Variants in CLUH observed in about 807,000 individuals in gnomAD.
The protein encoded by CLUH is CLUH binding protein of NUMT mRNA, also known as clustered mitochondria protein homolog.
In CLUH, 77 loss-of-function variants were observed where a neutral mutation model predicts 139.3. That is an observed-to-expected ratio of 0.55 (90% CI 0.46 to 0.67). CLUH has a LOEUF of 0.67. Among genes scored for constraint, CLUH ranks in the 30% least tolerant of loss-of-function variants. CLUH has a pLI of 0.00. For missense variants in CLUH, 1,876 were observed against 1,875.8 expected (o/e 1.00, Z 0.00); for synonymous variants, 999 against 801.6 (o/e 1.25, Z -4.16).
In CLUH at chr17:2,692,594, G is replaced by GC; in HGVS notation, c.3414_3415insG (p.His1139AlafsTer62). 1 of 1,612,422 alleles carries GC rather than the reference G, an allele frequency of 6.2e-7. No homozygotes were observed. The highest frequency in any genetic ancestry group is 8.5e-7 in the Non-Finnish European group (1 of 1,179,562). On this transcript the variant is annotated frameshift_variant, in exon 21 of 26. Transcript: ENST00000651024. LOFTEE classifies it high-confidence loss of function. ...ACGTCCAGCAGCGCCATCTCGGGGT[G>GC]GTCTTCCCCGAACACCAGCAGCATG...
intron 9 of CLUH, 68 bp downstream of exon 9, chr17:2,700,314 C>T (rs2070127755): frequency 2.1e-6 from 3 of 1,458,560 alleles, no homozygotes; most frequent in South Asian, 1.2e-5. Context: ...TTCCTCCTCT[C>T]CATGAGAAAA....
Position 2,701,660 on chromosome 17 carries a change from G to T in CLUH, c.697C>A (p.Arg233=). The stretch of plus-strand genomic sequence containing the variant: ...TGCAGGGGACACAGTGGCCGCTCCC[G>T]GCTCCCTGGCAGGATGTACTCGGGT... The part of the protein sequence containing the change: ...TPPEYILPGS[R]ERPLCPLQPQ... The change falls in exon 5 of 26, where the codon CGG becomes AGG. Residue 233 remains arginine (R), a synonymous_variant. Coordinates refer to ENST00000651024, the MANE Select transcript of CLUH (RefSeq NM_001366661.1). 4 of 1,601,500 alleles carry T rather than the reference G, an allele frequency of 2.5e-6. No individual in the cohort carries two copies. Among genetic ancestry groups the T allele is most frequent in the Non-Finnish European group, 3.4e-6 (4 of 1,173,928 alleles).
rs1423946485 is a variant in CLUH at position 2,689,699 on chromosome 17, G to A, written c.*895C>T. On this transcript the variant is annotated 3_prime_UTR_variant, in exon 26 of 26. Coordinates refer to ENST00000651024, the MANE Select transcript of CLUH (RefSeq NM_001366661.1). ...GGGGCCCCCGCCACCCCCAGAGCTA[G>A]TCTCAGACCAGGAAGGGAGCTGGGC... The A allele has an allele frequency of 2.0e-5, 3 of 152,662 alleles. No homozygotes were observed. In the East Asian group the frequency reaches 6.0e-4, roughly 30 times the overall value. The allele number at this position is 152,662 out of a possible 1,614,324, so 9.5% of individuals were successfully genotyped here.
At position 2,704,263 on chromosome 17, in the gene CLUH, A is replaced by G. The variant is rs1023874484; in HGVS notation, c.303+99T>C. On this transcript the variant is annotated intron_variant, in intron 2 of 25. Coordinates refer to ENST00000651024, the MANE Select transcript of CLUH (RefSeq NM_001366661.1). This position sits in a 1 kb window ranked among gnomAD's most constrained non-coding sequence, Gnocchi z 5.7. ...CACGGGATCCTCAGTTTCCTGCCAC[A>G]AAATGGGGCCGGTAGGAGCACGAGC... is the stretch of plus-strand genomic sequence containing the variant. 40 of 1,300,412 alleles carry G rather than the reference A, an allele frequency of 3.1e-5. 1 individual carries two copies. Among genetic ancestry groups the G allele is most frequent in the African/African-American group, 6.0e-5 (4 of 67,214 alleles). The allele number at this position is 1,300,412 out of a possible 1,614,324, so 80.6% of individuals were successfully genotyped here.
intron 14 of CLUH, 23 bp downstream of exon 14, chr17:2,695,351 G>C (rs544332095): frequency 6.2e-7 from 1 of 1,613,046 alleles, no homozygotes; most frequent in Non-Finnish European, 8.5e-7. Context: ...CTCCCGTTCC[G>C]CCCCACCCCG....
rs760796239 is a variant in CLUH, at chr17:2,691,598, G to C, written c.3863+11C>G. 6.2e-7 allele frequency: 1 copy of C among 1,610,408 alleles called. No individual in the cohort carries two copies. The highest frequency in any genetic ancestry group is 1.7e-5 in the Admixed American group (1 of 59,842). Reference sequence around the variant, plus strand: ...CAACCGGGAGACACTCGAGTGGGGCGGAGGCCTCACCTGAGAGGAATGAAG... The same window carrying C: ...CAACCGGGAGACACTCGAGTGGGGCCGAGGCCTCACCTGAGAGGAATGAAG... On this transcript the variant is annotated intron_variant, in intron 25 of 25. Transcript: ENST00000651024.
At chr17:2,702,326 C>A (rs1283615349) in intron 3 of CLUH, among the ~76,000 whole-genome samples, 1 of 152,198 alleles carries the variant, frequency 6.6e-6, no homozygotes, top group Non-Finnish European at 1.5e-5. Flanking sequence ...ACACACAGGC[C>A]TCAGGCGTCC....
At chr17:2,693,251 C>T (rs1597599796) in intron 19 of CLUH, among the ~76,000 whole-genome samples, 3 of 147,188 alleles carry the variant, frequency 2.0e-5, no homozygotes, top group Non-Finnish European at 3.0e-5. Flanking sequence ...CAAAAATTAG[C>T]TGGGTGTGCT....
chr17:2,697,897 T>G lies in CLUH; in HGVS notation c.1960A>C (p.Arg654=). The G allele has an allele frequency of 6.7e-7, 1 of 1,497,402 alleles. No homozygotes were observed. The highest frequency in any genetic ancestry group is 8.9e-7 in the Non-Finnish European group (1 of 1,123,340). The allele number at this position is 1,497,402 out of a possible 1,614,324, so 92.8% of individuals were successfully genotyped here. Reference sequence around the variant, plus strand: ...TGGTCCGGCAGGGCCGCCCCTCACCTGTGCTCCACGAAGGCGTCCACCAGC... The same window carrying G: ...TGGTCCGGCAGGGCCGCCCCTCACCGGTGCTCCACGAAGGCGTCCACCAGC... The part of the protein sequence containing the change: ...QELVDAFVEH[R]YLLFMKLAAL... The change falls in exon 10 of 26, where the codon AGG becomes CGG. Residue 654 remains arginine (R), a splice_region_variant and synonymous_variant. Coordinates refer to ENST00000651024, the MANE Select transcript of CLUH (RefSeq NM_001366661.1).
intron 19 of CLUH, 108 bp downstream of exon 19, chr17:2,693,792 G>T: frequency 7.2e-7 from 1 of 1,397,538 alleles, no homozygotes; most frequent in Non-Finnish European, 9.6e-7. Flanking sequence ...CAGAACCAGC[G>T]ACTTCCTGGG....
At chr17:2,695,579 C>T in intron 13 of CLUH, 53 bp from the exon 14 acceptor site, 2 of 1,514,318 alleles carry the variant, frequency 1.3e-6, no homozygotes, top group Non-Finnish European at 1.8e-6. Flanking sequence ...CTCCACCCAA[C>T]TGAGTCCTTC....
In CLUH at chr17:2,698,331, C is replaced by T; in HGVS notation, c.1526G>A (p.Gly509Asp). 1.2e-6 allele frequency: 2 copies of T among 1,613,140 alleles called. No homozygotes were observed. The highest frequency in any genetic ancestry group is 1.7e-6 in the Non-Finnish European group (2 of 1,179,742). The change falls in exon 10 of 26, where the codon GGC becomes GAC. Residue 509 changes from glycine (G) to aspartate (D), a missense_variant. By Grantham distance (94) the Gly-to-Asp change is moderately conservative (BLOSUM62 -1). This residue lies in a region of CLUH where 1,454 missense variants were observed against 1,384.4 expected (regional missense o/e 1.05). Coordinates refer to ENST00000651024, the MANE Select transcript of CLUH (RefSeq NM_001366661.1). ...AVDVEGLYTL[G>D]TVVVDYRGYR... ...GCCGCGGTAATCCACCACCACCGTG[C>T]CCAGCGTGTACAGCCCCTCCACGTC...
chr17:2,696,017 C>G (rs1391921971), intron 13 of CLUH, 142 bp downstream of exon 13: 2 of 681,118 alleles, frequency 2.9e-6, no homozygotes, highest in East Asian at 2.7e-5. Context: ...GGCTCCCCAT[C>G]TGTCAAACGG....
Position 2,700,396 on chromosome 17 carries a change from T to TTTC in CLUH, c.1249_1251dup (p.Glu417dup). 6.2e-7 allele frequency: 1 copy of TTTC among 1,612,998 alleles called. No individual in the cohort carries two copies. Among genetic ancestry groups the TTTC allele is most frequent in the Non-Finnish European group, 8.5e-7 (1 of 1,179,690 alleles). ...GCTGCAGGCACCTTGAATATGGCCC[T>TTTC]TTCTCGGAGCAGCCGCTCAGGCAGG... On this transcript the variant is annotated inframe_insertion, in exon 9 of 26. Transcript: ENST00000651024.
rs1240949426 is a variant in CLUH at position 2,700,391 on chromosome 17, G to A, written c.1257C>T (p.Ala419=). 1 of 1,612,898 alleles carries A rather than the reference G, an allele frequency of 6.2e-7. No individual in the cohort carries two copies. The highest frequency in any genetic ancestry group is 1.3e-5 in the African/African-American group (1 of 75,046). Reference sequence around the variant, plus strand: ...CAGAGGCTGCAGGCACCTTGAATATGGCCCTTTCTCGGAGCAGCCGCTCAG... The same window carrying A: ...CAGAGGCTGCAGGCACCTTGAATATAGCCCTTTCTCGGAGCAGCCGCTCAG... ...NLPERLLRER[A]IFKVHSDFTA... The change falls in exon 9 of 26, where the codon GCC becomes GCT. Residue 419 remains alanine (A), a synonymous_variant. Coordinates refer to ENST00000651024, the MANE Select transcript of CLUH (RefSeq NM_001366661.1).
At chr17:2,705,117 C>T (rs2070314217) in intron 1 of CLUH, among the ~76,000 whole-genome samples, 1 of 151,892 alleles carries the variant, frequency 6.6e-6, no homozygotes, top group African/African-American at 2.4e-5. Flanking sequence ...GCCTTTTGGA[C>T]CAAGGAGACC....
Position 2,703,747 on chromosome 17 carries a change from C to G in CLUH, c.304-258G>C, listed in dbSNP as rs1170397548. Among the ~76,000 whole-genome samples, 1 of 152,124 alleles carries G rather than the reference C, an allele frequency of 6.6e-6. No homozygotes were observed. Among genetic ancestry groups the G allele is most frequent in the Non-Finnish European group, 1.5e-5 (1 of 68,020 alleles). ...CAGCCTGGAGCCTGGCCCACCGACT[C>G]GGCCTGCAGACCCAGAGCAATGCCC... On this transcript the variant is annotated intron_variant, in intron 2 of 25. Coordinates refer to ENST00000651024, the MANE Select transcript of CLUH (RefSeq NM_001366661.1). The surrounding 1 kb of genome is among the most constrained non-coding windows in gnomAD (Gnocchi z 4.2).
Position 2,703,491 on chromosome 17 carries a change from T to A in CLUH, c.304-2A>T. Reference sequence around the variant, plus strand: ...CTGCACCATCTCCTGGGGGGACACCTGCAGGGAGAAGGCCCCGCCCACCCC... The same window carrying A: ...CTGCACCATCTCCTGGGGGGACACCAGCAGGGAGAAGGCCCCGCCCACCCC... On this transcript the variant is annotated splice_acceptor_variant, in intron 2 of 25. Coordinates refer to ENST00000651024, the MANE Select transcript of CLUH (RefSeq NM_001366661.1). LOFTEE classifies it high-confidence loss of function. The surrounding 1 kb of genome is among the most constrained non-coding windows in gnomAD (Gnocchi z 4.2). 6.2e-7 allele frequency: 1 copy of A among 1,612,076 alleles called. No individual in the cohort carries two copies. The highest frequency in any genetic ancestry group is 8.5e-7 in the Non-Finnish European group (1 of 1,178,924).
Position 2,695,116 on chromosome 17 carries a change from G to A in CLUH, c.2608-15C>T, listed in dbSNP as rs983509844. On this transcript the variant is annotated splice_polypyrimidine_tract_variant and intron_variant, in intron 15 of 25. Coordinates refer to ENST00000651024, the MANE Select transcript of CLUH (RefSeq NM_001366661.1). ...AGCTCGACTCCCTGCGAGGCAGGTT[G>A]GATCCGAGTCATGAGGGCCCTCAGC... 1 of 1,612,388 alleles carries A rather than the reference G, an allele frequency of 6.2e-7. No individual in the cohort carries two copies. The highest frequency in any genetic ancestry group is 1.3e-5 in the African/African-American group (1 of 75,040).
Sources: allele counts gnomAD v4.1 joint callset (sites outside exome capture counted in the v4.1 genomes callset), GRCh38; gene constraint gnomAD v4.1.1; regional missense constraint gnomAD v4.1.1; non-coding constraint Gnocchi (gnomAD v3.1); transcripts MANE v1.5; gene names NCBI Gene and HGNC (gene_info 2026-07-23, HGNC 2026-07-21).